NCKAP5: variants seen among roughly 807,000 people sequenced by gnomAD.
The protein encoded by NCKAP5 is nck-associated protein 5.
Under a neutral mutation model 167.0 loss-of-function variants are expected in NCKAP5, and 92 were observed. That is an observed-to-expected ratio of 0.55 (90% CI 0.47 to 0.66). The LOEUF (loss-of-function observed/expected upper bound fraction) is 0.66. Ranked by LOEUF, NCKAP5 falls within the 30% of genes least tolerant of loss-of-function variation. NCKAP5 has a pLI of 0.00. For missense variants in NCKAP5, 2,378 were observed against 2,315.0 expected (o/e 1.03, Z -0.56); for synonymous variants, 891 against 877.4 (o/e 1.02, Z -0.27).
intron 8 of NCKAP5, among the ~76,000 whole-genome samples, chr2:132,921,269 CCTT>C (rs1695408669): frequency 6.6e-6 from 1 of 152,086 alleles, no homozygotes; most frequent in Admixed American, 6.6e-5. Flanking sequence ...GTATAATCCT[CCTT>C]CTCTAAGACA....
At chr2:133,628,304 A>G in the NCKAP5 span, among the ~76,000 whole-genome samples, 1 of 152,194 alleles carries the variant, frequency 6.6e-6, no homozygotes, top group African/African-American at 2.4e-5. Context: ...GTGTCAGGAT[A>G]CAAAATCAAT....
chr2:133,111,624 C>A lies in NCKAP5; in HGVS notation c.341+18354G>T, dbSNP rs116603090. ...CATCACCTCTCTCATAGCCCTCTGC[C>A]ATGATTCTCATGGCAACAAGAACAT... is the stretch of plus-strand genomic sequence containing the variant. On this transcript the variant is annotated intron_variant, in intron 6 of 19. Coordinates refer to ENST00000409261, the MANE Select transcript of NCKAP5 (RefSeq NM_207363.3). Among the ~76,000 whole-genome samples the A allele has an allele frequency of 1.6e-3, 240 of 152,302 alleles. 1 individual carries two copies. Among genetic ancestry groups the A allele is most frequent in the Middle Eastern group, 6.8e-3 (2 of 294 alleles).
chr2:132,892,882 T>C (rs1692826656), intron 8 of NCKAP5, among the ~76,000 whole-genome samples: 1 of 151,222 alleles, frequency 6.6e-6, no homozygotes, highest in Non-Finnish European at 1.5e-5. Context: ...GATAAATGCC[T>C]AAATACCAGC....
chr2:132,866,177 A>G (rs943925057), intron 10 of NCKAP5, among the ~76,000 whole-genome samples: 33 of 152,216 alleles, frequency 2.2e-4, no homozygotes, highest in African/African-American at 7.2e-4. Flanking sequence ...GTTCATATGA[A>G]CGAAAATAAC....
chr2:133,429,021 C>T (rs1689989090), intron 3 of NCKAP5, among the ~76,000 whole-genome samples: 1 of 152,056 alleles, frequency 6.6e-6, no homozygotes, highest in Admixed American at 6.6e-5. Context: ...AGGAATCTCT[C>T]CTGTGAAAAT....
the NCKAP5 span, among the ~76,000 whole-genome samples, chr2:133,674,005 G>T: frequency 6.6e-6 from 1 of 152,288 alleles, no homozygotes; most frequent in Non-Finnish European, 1.5e-5. Flanking sequence ...TTTAAGATAG[G>T]TGTCTGAGTA....
intron 8 of NCKAP5, among the ~76,000 whole-genome samples, chr2:132,929,576 G>C (rs1442221622): frequency 6.6e-6 from 1 of 152,188 alleles, no homozygotes; most frequent in Non-Finnish European, 1.5e-5. Flanking sequence ...GCTATGTACA[G>C]AGTTGAATAA....
At chr2:133,011,910 G>A (rs2078173350) in intron 6 of NCKAP5, among the ~76,000 whole-genome samples, 1 of 152,094 alleles carries the variant, frequency 6.6e-6, no homozygotes, top group South Asian at 2.1e-4. Flanking sequence ...TACAGATGCG[G>A]AGGCCCCTGA....
At chr2:133,582,487 C>T in the NCKAP5 span, among the ~76,000 whole-genome samples, 2 of 152,318 alleles carry the variant, frequency 1.3e-5, no homozygotes, top group East Asian at 3.9e-4. Flanking sequence ...CCATTCTCTC[C>T]TCAAGGGTGT....
At chr2:133,157,705 G>A (rs2083624931) in intron 5 of NCKAP5, among the ~76,000 whole-genome samples, 1 of 148,384 alleles carries the variant, frequency 6.7e-6, no homozygotes, top group Non-Finnish European at 1.5e-5. Flanking sequence ...CACTCACTTT[G>A]AGAAACGCTG....
At chr2:132,755,881 T>TAATAATAATAATAAG (rs67465455) in intron 16 of NCKAP5, among the ~76,000 whole-genome samples, 1 of 148,176 alleles carries the variant, frequency 6.7e-6, no homozygotes, top group African/African-American at 2.5e-5. Flanking sequence ...ATAATAATAA[T>TAATAATAATAATAAG]AACTATAATA....
intron 3 of NCKAP5, among the ~76,000 whole-genome samples, chr2:133,516,161 T>G (rs1196540652): frequency 6.6e-6 from 1 of 152,188 alleles, no homozygotes; most frequent in Non-Finnish European, 1.5e-5. Context: ...CATGCTGATA[T>G]GTAAAAAGTG....
At chr2:132,794,307 G>GTGT in intron 12 of NCKAP5, among the ~76,000 whole-genome samples, 1 of 101,242 alleles carries the variant, frequency 9.9e-6, no homozygotes, top group South Asian at 3.4e-4. Flanking sequence ...GAGAGAGAGA[G>GTGT]GGTGGCGGGA....
chr2:133,084,783 T>C (rs572664234), intron 6 of NCKAP5, among the ~76,000 whole-genome samples: 112 of 152,306 alleles, frequency 7.4e-4, no homozygotes, highest in Non-Finnish European at 1.2e-3. Context: ...ACATCCTACA[T>C]GCTTAGCTGA....
chr2:133,016,663 A>T (rs1266492694), intron 6 of NCKAP5, among the ~76,000 whole-genome samples: 2 of 152,214 alleles, frequency 1.3e-5, no homozygotes, highest in Non-Finnish European at 1.5e-5. Context: ...TGTTCCTAGC[A>T]ACATTCAGTG....
At chr2:133,391,552 T>G (rs1054232588) in intron 3 of NCKAP5, among the ~76,000 whole-genome samples, 7 of 152,094 alleles carry the variant, frequency 4.6e-5, no homozygotes, top group Non-Finnish European at 1.0e-4. Context: ...GTCTTCCTTC[T>G]CTATCTTCTT....
At chr2:132,720,504 C>G (rs1436473589) in intron 19 of NCKAP5, among the ~76,000 whole-genome samples, 3 of 152,152 alleles carry the variant, frequency 2.0e-5, no homozygotes, top group Non-Finnish European at 4.4e-5. Context: ...GCCCCCAAAA[C>G]CAGGGAATGT....
chr2:132,942,895 G>A (rs915230525), intron 8 of NCKAP5, among the ~76,000 whole-genome samples: 2 of 152,154 alleles, frequency 1.3e-5, no homozygotes, highest in African/African-American at 4.8e-5. Context: ...GTCTGCCAAC[G>A]GGAGTAACTC....
At chr2:133,302,901 G>T in intron 4 of NCKAP5, 136 bp downstream of exon 4, 1 of 511,718 alleles carries the variant, frequency 2.0e-6, no homozygotes, top group Non-Finnish European at 3.4e-6. Flanking sequence ...CAAGATGATA[G>T]TTTCTTAGAA....
Sources: allele counts gnomAD v4.1 joint callset (sites outside exome capture counted in the v4.1 genomes callset), GRCh38; gene constraint gnomAD v4.1.1; transcripts MANE v1.5; gene names NCBI Gene and HGNC (gene_info 2026-07-23, HGNC 2026-07-21).